The following PTPRD variants were observed in gnomAD, a reference collection of about 807,000 sequenced individuals.
PTPRD encodes protein tyrosine phosphatase receptor type D.
Under a neutral mutation model 214.5 loss-of-function variants are expected in PTPRD, and 34 were observed. That is an observed-to-expected ratio of 0.16 (90% CI 0.12 to 0.21). PTPRD has a LOEUF of 0.21. Among genes scored for constraint, PTPRD ranks in the 10% least tolerant of loss-of-function variants. PTPRD has a pLI of 1.00. For missense variants in PTPRD, 2,545 were observed against 2,398.7 expected (o/e 1.06, Z -1.27); for synonymous variants, 1,128 against 845.7 (o/e 1.33, Z -5.79).
At chr9:10,363,282 T>G (rs1453173047) in intron 2 of PTPRD, among the ~76,000 whole-genome samples, 1 of 152,218 alleles carries the variant, frequency 6.6e-6, no homozygotes, top group African/African-American at 2.4e-5. Flanking sequence ...GACAACTCTT[T>G]GAGTATCAAA....
chr9:9,965,359 C>CA (rs895300758), intron 4 of PTPRD, among the ~76,000 whole-genome samples: 17 of 152,098 alleles, frequency 1.1e-4, no homozygotes, highest in African/African-American at 3.9e-4. Context: ...AGAAGGCTTT[C>CA]AAAACGGAGG....
Position 9,716,302 on chromosome 9 carries a change from T to C in PTPRD, c.-287+18231A>G, listed in dbSNP as rs373817506. Among the ~76,000 whole-genome samples, 1,175 of 152,002 alleles carry C rather than the reference T, an allele frequency of 7.7e-3. 17 individuals are homozygous for C. The highest frequency in any genetic ancestry group is 0.027 in the African/African-American group (1,126 of 41,394). ...AAGTCTTTGCTATTGTGAATAGTGCTGTAATAAACATACGTGTGCATGTGT... is the reference window on the plus strand; with the variant it reads ...AAGTCTTTGCTATTGTGAATAGTGCCGTAATAAACATACGTGTGCATGTGT... On this transcript the variant is annotated intron_variant, in intron 7 of 45. Coordinates refer to ENST00000381196, the MANE Select transcript of PTPRD (RefSeq NM_002839.4).
rs1009250628 is a variant in PTPRD at position 10,457,442 on chromosome 9, G to A, written c.-599-116425C>T. Among the ~76,000 whole-genome samples the A allele has an allele frequency of 3.9e-5, 6 of 152,070 alleles. No individual in the cohort carries two copies. The South Asian group carries it at 1.2e-3, about 32-fold the overall frequency. ...AGTCTATAAAGTCTTGGTTATTTCT[G>A]AGAACGCTTCTTTCAGTGTCTTCAC... On this transcript the variant is annotated intron_variant, in intron 2 of 45. Transcript: ENST00000381196.
intron 4 of PTPRD, among the ~76,000 whole-genome samples, chr9:10,014,661 G>A (rs551118395): frequency 6.6e-6 from 1 of 151,958 alleles, no homozygotes; most frequent in Non-Finnish European, 1.5e-5. Context: ...TTACAGATGA[G>A]AAATGAAACG....
intron 9 of PTPRD, among the ~76,000 whole-genome samples, chr9:9,199,174 G>T (rs1456241084): frequency 6.6e-6 from 1 of 152,100 alleles, no homozygotes; most frequent in Non-Finnish European, 1.5e-5. Context: ...AGAATGACTA[G>T]TTGCACCTAG....
rs2097126729 is a variant in PTPRD, at chr9:10,033,751, T to C, written c.-505A>G. 6.6e-6 allele frequency: 1 copy of C among 152,026 alleles called. No homozygotes were observed. Among genetic ancestry groups the C allele is most frequent in the Non-Finnish European group, 1.5e-5 (1 of 67,972 alleles). 9.4% of individuals were successfully genotyped at this position (152,026 alleles called of 1,614,324 possible). A position where few individuals can be genotyped will look rare whatever the true frequency, so the allele number is the denominator to read the frequency against. On this transcript the variant is annotated 5_prime_UTR_variant, in exon 4 of 46. Coordinates refer to ENST00000381196, the MANE Select transcript of PTPRD (RefSeq NM_002839.4). The stretch of plus-strand genomic sequence containing the variant: ...AGCTTCCCCCTACAAGATGATTTTA[T>C]AGCTGGAGGATGAAAAGTATCAGAC...
At chr9:8,892,371 C>A (rs945848005) in intron 11 of PTPRD, among the ~76,000 whole-genome samples, 5 of 152,062 alleles carry the variant, frequency 3.3e-5, no homozygotes, top group Non-Finnish European at 7.4e-5. Context: ...CTGGAAGGGA[C>A]TCCACAGAAA....
chr9:10,210,924 G>C (rs969671020), intron 3 of PTPRD, among the ~76,000 whole-genome samples: 1 of 149,150 alleles, frequency 6.7e-6, no homozygotes, highest in African/African-American at 2.5e-5. Flanking sequence ...GCTAAACAAA[G>C]TAAGTCATTC....
At position 9,763,892 on chromosome 9, in the gene PTPRD, G is replaced by A. The variant is rs146902263; in HGVS notation, c.-326+2918C>T. 5.1e-3 allele frequency among the ~76,000 whole-genome samples: 768 copies of A among 151,930 alleles called. 6 individuals are homozygous for A. Among genetic ancestry groups the A allele is most frequent in the Middle Eastern group, 0.017 (5 of 294 alleles). On this transcript the variant is annotated intron_variant, in intron 6 of 45. Transcript: ENST00000381196. ...TCACATTGAAATATTATGCATTCTT[G>A]ACGACCTCTCACCCTCATGCCTCTA...
chr9:10,028,504 G>C (rs1421313215), intron 4 of PTPRD, among the ~76,000 whole-genome samples: 1 of 152,140 alleles, frequency 6.6e-6, no homozygotes, highest in Non-Finnish European at 1.5e-5. Flanking sequence ...TTGTTGCATG[G>C]CTTTGACCAA....
At chr9:10,290,329 T>G (rs1330757989) in intron 3 of PTPRD, among the ~76,000 whole-genome samples, 1 of 152,156 alleles carries the variant, frequency 6.6e-6, no homozygotes, top group Non-Finnish European at 1.5e-5. Context: ...AATCTTAAGC[T>G]GCTTCTTTTA....
chr9:10,436,600 CAT>C (rs921236602), intron 2 of PTPRD, among the ~76,000 whole-genome samples: 2 of 151,740 alleles, frequency 1.3e-5, no homozygotes, highest in Non-Finnish European at 2.9e-5. Context: ...TACACACACA[CAT>C]ATACACACAC....
At chr9:9,818,991 T>C (rs1195271161) in intron 5 of PTPRD, among the ~76,000 whole-genome samples, 2 of 151,930 alleles carry the variant, frequency 1.3e-5, no homozygotes, top group East Asian at 1.9e-4. Context: ...CAAAGATTTA[T>C]CATTTTCTCA....
At chr9:10,330,729 G>A (rs996926252) in intron 3 of PTPRD, among the ~76,000 whole-genome samples, 1 of 151,938 alleles carries the variant, frequency 6.6e-6, no homozygotes, top group Non-Finnish European at 1.5e-5. Context: ...GATGTAGGGT[G>A]TTAGGCTCAG....
intron 2 of PTPRD, among the ~76,000 whole-genome samples, chr9:10,402,825 C>G (rs2098292878): frequency 6.6e-6 from 1 of 151,620 alleles, no homozygotes. Context: ...ACCAAGGCCT[C>G]TCTTTCTTTC....
chr9:9,834,919 C>T (rs1299460469), intron 5 of PTPRD, among the ~76,000 whole-genome samples: 1 of 151,872 alleles, frequency 6.6e-6, no homozygotes, highest in Non-Finnish European at 1.5e-5. Context: ...TAAATATTAA[C>T]CTAACAGGTA....
At chr9:9,846,975 A>T (rs1405109418) in intron 5 of PTPRD, among the ~76,000 whole-genome samples, 2 of 152,160 alleles carry the variant, frequency 1.3e-5, no homozygotes, top group Non-Finnish European at 2.9e-5. Flanking sequence ...ATCATGCCAT[A>T]AAATATATAT....
At chr9:9,496,315 TAA>T (rs1260461262) in intron 8 of PTPRD, among the ~76,000 whole-genome samples, 1 of 151,906 alleles carries the variant, frequency 6.6e-6, no homozygotes, top group Non-Finnish European at 1.5e-5. Context: ...GAAAATATAT[TAA>T]AGTCAAATAT....
chr9:8,701,727 G>A (rs2098088967), intron 12 of PTPRD, among the ~76,000 whole-genome samples: 2 of 152,098 alleles, frequency 1.3e-5, no homozygotes, highest in African/African-American at 2.4e-5. Flanking sequence ...CAATTCTTAT[G>A]CAATGCATTC....
Sources: gnomAD v4.1 joint callset for allele counts (sites outside exome capture counted in the v4.1 genomes callset) on GRCh38, gnomAD v4.1.1 for gene constraint, MANE v1.5 for transcripts, NCBI Gene and HGNC (gene_info 2026-07-23, HGNC 2026-07-21) for gene names.